ZZZ3: variants seen among roughly 807,000 people sequenced by gnomAD.
ZZZ3 encodes ZZ-type zinc finger-containing protein 3.
In ZZZ3, 22 loss-of-function variants were observed where a neutral mutation model predicts 95.2. That is an observed-to-expected ratio of 0.23 (90% CI 0.17 to 0.33). The LOEUF (loss-of-function observed/expected upper bound fraction) is 0.33. Ranked by LOEUF, ZZZ3 falls within the 10% of genes least tolerant of loss-of-function variation. The pLI is 1.00. For synonymous variants in ZZZ3, 335 were observed against 358.9 expected (o/e 0.93, Z 0.75); for missense variants, 885 against 1,066.5 (o/e 0.83, Z 2.37).
At chr1:77,596,978 G>A (rs1273230683) in intron 5 of ZZZ3, among the ~76,000 whole-genome samples, 1 of 152,000 alleles carries the variant, frequency 6.6e-6, no homozygotes, top group Non-Finnish European at 1.5e-5. Context: ...CTAAATAAAA[G>A]CAACAATAAA....
At chr1:77,579,320 AT>A (rs1662272035) in intron 10 of ZZZ3, among the ~76,000 whole-genome samples, 1 of 152,200 alleles carries the variant, frequency 6.6e-6, no homozygotes, top group Non-Finnish European at 1.5e-5. Context: ...ATTTTTTAAT[AT>A]TTCGTAATGA....
intron 1 of ZZZ3, among the ~76,000 whole-genome samples, chr1:77,658,178 C>CA (rs1186224710): frequency 0.1 from 7,851 of 75,892 alleles, 446 homozygotes; most frequent in East Asian, 0.2. Flanking sequence ...GACTTTGTCT[C>CA]AAAAAAAAAA....
At chr1:77,639,974 T>C (rs929180960) in intron 3 of ZZZ3, among the ~76,000 whole-genome samples, 1 of 151,810 alleles carries the variant, frequency 6.6e-6, no homozygotes, top group South Asian at 2.1e-4. Flanking sequence ...TAATATCATC[T>C]CGTACTCTTG....
intron 5 of ZZZ3, among the ~76,000 whole-genome samples, chr1:77,622,847 T>A (rs1667011551): frequency 6.6e-6 from 1 of 151,968 alleles, no homozygotes; most frequent in Non-Finnish European, 1.5e-5. Context: ...TCAACTTCTT[T>A]AAAAAAAAGA....
At chr1:77,681,649 T>C (rs1672763697) in intron 1 of ZZZ3, among the ~76,000 whole-genome samples, 5 of 152,160 alleles carry the variant, frequency 3.3e-5, no homozygotes. Context: ...CCCAGCACTT[T>C]GAGAGGCCAA....
intron 1 of ZZZ3, among the ~76,000 whole-genome samples, chr1:77,669,010 C>CA (rs77072107): frequency 0.011 from 1,297 of 122,980 alleles, 10 homozygotes; most frequent in East Asian, 0.048. Context: ...TTTTGTGTTA[C>CA]AAAAAAAAAA....
chr1:77,622,508 T>C (rs1666978797), intron 5 of ZZZ3, among the ~76,000 whole-genome samples: 1 of 152,074 alleles, frequency 6.6e-6, no homozygotes. Flanking sequence ...AGAAACTGGA[T>C]TGAAAAAGAA....
At position 77,638,628 on chromosome 1, in the gene ZZZ3, C is replaced by T. The variant is rs566961612; in HGVS notation, c.-52+821G>A. On this transcript the variant is annotated intron_variant, in intron 4 of 14. Coordinates refer to ENST00000370801, the MANE Select transcript of ZZZ3 (RefSeq NM_015534.6). ...TTGAGCAGCTGGCAATCTTCCATCACACCAATGGTTTAGCTGATATTTATT... is the reference window on the plus strand; with the variant it reads ...TTGAGCAGCTGGCAATCTTCCATCATACCAATGGTTTAGCTGATATTTATT... Among the ~76,000 whole-genome samples the T allele has an allele frequency of 4.6e-5, 7 of 152,260 alleles. 1 individual carries two copies. The East Asian group carries it at 1.3e-3, about 29-fold the overall frequency.
At chr1:77,646,625 A>G (rs1224724106) in intron 1 of ZZZ3, among the ~76,000 whole-genome samples, 1 of 152,218 alleles carries the variant, frequency 6.6e-6, no homozygotes, top group Non-Finnish European at 1.5e-5. Flanking sequence ...TCTTGCCAAC[A>G]TAGAGTAACA....
chr1:77,628,895 C>A (rs564687646), intron 5 of ZZZ3, among the ~76,000 whole-genome samples: 6 of 152,268 alleles, frequency 3.9e-5, no homozygotes, highest in Admixed American at 3.3e-4. Flanking sequence ...ACCTGGAGAA[C>A]GTTTCTAGCA....
chr1:77,603,556 C>A (rs553867060), intron 5 of ZZZ3, among the ~76,000 whole-genome samples: 1 of 152,114 alleles, frequency 6.6e-6, no homozygotes, highest in Admixed American at 6.5e-5. Flanking sequence ...TTTCCCAAAG[C>A]GGTGTAAGGA....
At chr1:77,572,987 T>A (rs1286039091) in intron 12 of ZZZ3, among the ~76,000 whole-genome samples, 1 of 152,146 alleles carries the variant, frequency 6.6e-6, no homozygotes, top group Non-Finnish European at 1.5e-5. Flanking sequence ...ACTCTTCATC[T>A]GGCCAATTTT....
chr1:77,633,089 G>C lies in ZZZ3; in HGVS notation c.266C>G (p.Ser89Cys), dbSNP rs1340839526. ...TTCTATGTTATCCTTTTCTGAAGAA[G>C]AAAGTCCTCTTTTCCTAGGGCTTAC... ...SWVSPRKRGL[S>C]SSEKDNIERQ... Residue 89 changes from serine to cysteine, a missense_variant, in exon 5 of 15, where the codon TCT becomes TGT. Around this residue, in one of 5 missense-constraint regions of ZZZ3, gnomAD observed 556 missense variants for 652.9 expected, o/e 0.85. Transcript: ENST00000370801. 6.2e-7 allele frequency: 1 copy of C among 1,613,940 alleles called. No homozygotes were observed. The highest frequency in any genetic ancestry group is 1.3e-5 in the African/African-American group (1 of 75,050).
intron 5 of ZZZ3, among the ~76,000 whole-genome samples, chr1:77,589,906 T>C (rs1199112057): frequency 6.6e-6 from 1 of 152,180 alleles, no homozygotes; most frequent in African/African-American, 2.4e-5. Context: ...TGCATCAGAA[T>C]CTTTTTAAAA....
chr1:77,608,161 T>C (rs1665440749), intron 5 of ZZZ3, among the ~76,000 whole-genome samples: 1 of 152,098 alleles, frequency 6.6e-6, no homozygotes, highest in Non-Finnish European at 1.5e-5. Flanking sequence ...AAGAAGGTTC[T>C]AGAAAACCAA....
chr1:77,657,829 C>A (rs994708481), intron 1 of ZZZ3, among the ~76,000 whole-genome samples: 2 of 152,160 alleles, frequency 1.3e-5, no homozygotes, highest in Admixed American at 6.5e-5. Context: ...ATAATTTAGA[C>A]ACATCCACAA....
At chr1:77,616,114 C>T (rs970847125) in intron 5 of ZZZ3, among the ~76,000 whole-genome samples, 2 of 152,208 alleles carry the variant, frequency 1.3e-5, no homozygotes, top group South Asian at 4.2e-4. Flanking sequence ...CTTCTTACCC[C>T]TGCTCTTGAG....
chr1:77,584,430 A>G (rs935164056), intron 6 of ZZZ3, 87 bp downstream of exon 6: 12 of 1,357,516 alleles, frequency 8.8e-6, no homozygotes, highest in Non-Finnish European at 1.2e-5. Flanking sequence ...TTTAAAAAGT[A>G]TATACCCATA....
chr1:77,568,628 T>C (rs1429660030), intron 12 of ZZZ3, among the ~76,000 whole-genome samples, 162 bp from the exon 13 acceptor site: 1 of 147,608 alleles, frequency 6.8e-6, no homozygotes, highest in African/African-American at 2.5e-5. Context: ...TATTTTCCAC[T>C]AATGCTTTTG....
Sources: allele counts gnomAD v4.1 joint callset (sites outside exome capture counted in the v4.1 genomes callset), GRCh38; gene constraint gnomAD v4.1.1; regional missense constraint gnomAD v4.1.1; transcripts MANE v1.5; gene names NCBI Gene and HGNC (gene_info 2026-07-23, HGNC 2026-07-21).